The following SPAG17 variants were observed in gnomAD, a reference collection of about 807,000 sequenced individuals.
SPAG17 encodes sperm-associated antigen 17.
A neutral mutation model predicts 273.6 loss-of-function variants in SPAG17; 169 were observed. That is an observed-to-expected ratio of 0.62 (90% confidence interval 0.55 to 0.70). The LOEUF (loss-of-function observed/expected upper bound fraction) is 0.70. Ranked by LOEUF, SPAG17 falls within the 30% of genes least tolerant of loss-of-function variation. The probability of loss-of-function intolerance (pLI) is 0.00; values close to 1 mark genes in which losing one functional copy is unlikely to be tolerated. For synonymous variants in SPAG17, 825 were observed against 873.2 expected (o/e 0.94, Z 0.97); for missense variants, 2,557 against 2,627.8 (o/e 0.97, Z 0.59).
intron 43 of SPAG17, among the ~76,000 whole-genome samples, chr1:117,980,869 T>G (rs553812472): frequency 2.0e-5 from 3 of 152,230 alleles, no homozygotes; most frequent in Admixed American, 2.0e-4. Context: ...TTCTAGCACC[T>G]GCAGGACCAA....
At chr1:118,003,204 C>T (rs1271787957) in intron 32 of SPAG17, among the ~76,000 whole-genome samples, 2 of 152,230 alleles carry the variant, frequency 1.3e-5, no homozygotes, top group East Asian at 3.9e-4. Context: ...CACTGTCAGT[C>T]TGATGGGCTT....
At chr1:118,020,871 T>G (rs1228105356) in intron 28 of SPAG17, among the ~76,000 whole-genome samples, 1 of 152,090 alleles carries the variant, frequency 6.6e-6, no homozygotes, top group Non-Finnish European at 1.5e-5. Flanking sequence ...AACATGAAAA[T>G]TATATAAAAT....
intron 10 of SPAG17, among the ~76,000 whole-genome samples, chr1:118,091,263 A>T (rs1655351595): frequency 6.6e-6 from 1 of 152,210 alleles, no homozygotes; most frequent in South Asian, 2.1e-4. Flanking sequence ...CAAGCATGAA[A>T]GAAATTTTAA....
chr1:118,089,332 C>CGTGT lies in SPAG17; in HGVS notation c.1359+2270_1359+2273dup, dbSNP rs72374195. ...AAAACCAGAAGGCCTATGTAGATGA[C>CGTGT]GTGTGTGTGTGTGTGTGTGTGTGGT... On this transcript the variant is annotated intron_variant, in intron 10 of 48. Transcript: ENST00000336338. 1.9e-4 allele frequency among the ~76,000 whole-genome samples: 26 copies of CGTGT among 135,980 alleles called. No homozygotes were observed. In the South Asian group the frequency reaches 3.9e-3, roughly 21 times the overall value. 89.2% of individuals were successfully genotyped at this position (135,980 alleles called of 152,430 possible). A position where few individuals can be genotyped will look rare whatever the true frequency, so the allele number is the denominator to read the frequency against.
intron 12 of SPAG17, 53 bp from the exon 13 acceptor site, chr1:118,086,125 C>T: frequency 6.5e-7 from 1 of 1,549,594 alleles, no homozygotes; most frequent in Non-Finnish European, 8.8e-7. Context: ...TGTTAAGTGC[C>T]TTATGCATAT....
At chr1:118,092,133 G>T in intron 8 of SPAG17, 131 bp from the exon 9 acceptor site, 1 of 743,626 alleles carries the variant, frequency 1.3e-6, no homozygotes, top group South Asian at 1.7e-5. Flanking sequence ...AAAATCATCT[G>T]CTAATATTAG....
intron 1 of SPAG17, among the ~76,000 whole-genome samples, chr1:118,178,829 G>GA (rs895448704): frequency 3.3e-5 from 5 of 151,106 alleles, no homozygotes; most frequent in Non-Finnish European, 7.4e-5. Context: ...CATACAATCT[G>GA]AAAAAAAATC....
chr1:118,012,090 C>T (rs1659532305), intron 30 of SPAG17, 138 bp downstream of exon 30: 7 of 653,164 alleles, frequency 1.1e-5, no homozygotes, highest in African/African-American at 5.5e-5. Context: ...CTTTGGATGG[C>T]ATGGGTTTTC....
intron 1 of SPAG17, among the ~76,000 whole-genome samples, chr1:118,159,421 T>C (rs551315698): frequency 1.7e-4 from 26 of 152,330 alleles, no homozygotes; most frequent in African/African-American, 6.3e-4. Context: ...ACTCAGTTTC[T>C]CATTTAAAAT....
At chr1:118,153,921 T>A (rs1052961833) in intron 1 of SPAG17, among the ~76,000 whole-genome samples, 8 of 152,218 alleles carry the variant, frequency 5.3e-5, no homozygotes, top group Admixed American at 2.0e-4. Flanking sequence ...ATTACTTTTT[T>A]AAAAATTATA....
chr1:118,122,155 G>C (rs1268587493), intron 3 of SPAG17, among the ~76,000 whole-genome samples: 2 of 41,120 alleles, frequency 4.9e-5, no homozygotes, highest in African/African-American at 1.4e-4. Context: ...CTGTGTGTCT[G>C]TGTGTGTGTG....
intron 17 of SPAG17, among the ~76,000 whole-genome samples, chr1:118,068,658 G>C (rs10923488): frequency 6.6e-6 from 1 of 151,996 alleles, no homozygotes; most frequent in East Asian, 1.9e-4. Flanking sequence ...TATTGGTTAC[G>C]TTAGTTATTT....
chr1:117,986,939 TGAAATACCCACAG>T (rs140389180), intron 40 of SPAG17, among the ~76,000 whole-genome samples: 1,738 of 152,256 alleles, frequency 0.011, 19 homozygotes, highest in African/African-American at 0.028. Flanking sequence ...GAGGTGCCCT[TGAAATACCCACAG>T]GAAAGGAGCA....
rs775366827 is a variant in SPAG17 at position 117,966,625 on chromosome 1, G to A, written c.6516C>T (p.Phe2172=). The A allele has an allele frequency of 6.2e-7, 1 of 1,612,090 alleles. No homozygotes were observed. The highest frequency in any genetic ancestry group is 1.1e-5 in the South Asian group (1 of 90,574). Residue 2172 remains phenylalanine (F), a synonymous_variant, in exon 47 of 49, where the codon TTC becomes TTT. Transcript: ENST00000336338. ...AAAGGATATTTGCTTCCACAGGTAG[G>A]AACAGAACCTCATGCTCTGTCATAA... ...IEIMTEHEVL[F]LPVEATVLTS... is the part of the protein sequence containing the mutation.
intron 1 of SPAG17, among the ~76,000 whole-genome samples, chr1:118,176,370 G>C (rs545398951): frequency 6.6e-6 from 1 of 152,078 alleles, no homozygotes; most frequent in Non-Finnish European, 1.5e-5. Context: ...AAGTGAAGAG[G>C]TATTTCATGC....
intron 23 of SPAG17, 121 bp downstream of exon 23, chr1:118,039,171 G>C (rs973901488): frequency 9.5e-7 from 1 of 1,048,620 alleles, no homozygotes; most frequent in Non-Finnish European, 1.4e-6. Flanking sequence ...CTATTAATAA[G>C]AGAGTGTACT....
At chr1:118,029,995 T>C (rs979550371) in intron 25 of SPAG17, among the ~76,000 whole-genome samples, 6 of 152,194 alleles carry the variant, frequency 3.9e-5, no homozygotes, top group African/African-American at 1.4e-4. Context: ...GTCAAATCTG[T>C]CAGCACACAT....
intron 23 of SPAG17, among the ~76,000 whole-genome samples, chr1:118,037,162 G>C (rs1213080416): frequency 6.6e-6 from 1 of 152,076 alleles, no homozygotes; most frequent in Admixed American, 6.6e-5. Context: ...TCATCTGGTA[G>C]GTCATCCACA....
At chr1:118,155,711 T>C (rs373213218) in intron 1 of SPAG17, among the ~76,000 whole-genome samples, 24 of 152,360 alleles carry the variant, frequency 1.6e-4, no homozygotes, top group East Asian at 1.5e-3. Flanking sequence ...TCTGGTTTTA[T>C]TAAGAGCTAC....
Sources: gnomAD v4.1 joint callset for allele counts (sites outside exome capture counted in the v4.1 genomes callset) on GRCh38, gnomAD v4.1.1 for gene constraint, MANE v1.5 for transcripts, NCBI Gene and HGNC (gene_info 2026-07-23, HGNC 2026-07-21) for gene names.